Variants in UBR3 observed in about 807,000 individuals in gnomAD.
UBR3 encodes the protein ubiquitin protein ligase E3 component n-recognin 3.
A neutral mutation model predicts 243.2 loss-of-function variants in UBR3; 85 were observed. That is an observed-to-expected ratio of 0.35 (90% CI 0.29 to 0.42). The LOEUF (loss-of-function observed/expected upper bound fraction) is 0.42. Among genes scored for constraint, UBR3 ranks in the 10% least tolerant of loss-of-function variants. The pLI is 1.00. For missense variants in UBR3, 1,686 were observed against 2,300.8 expected (o/e 0.73, Z 5.47); for synonymous variants, 748 against 799.8 (o/e 0.94, Z 1.09).
intron 11 of UBR3, among the ~76,000 whole-genome samples, chr2:169,918,788 C>G (rs2085568253): frequency 6.6e-6 from 1 of 152,082 alleles, no homozygotes; most frequent in African/African-American, 2.4e-5. Flanking sequence ...CTAGAGTCCT[C>G]TGGTAAGAGG....
chr2:170,008,664 A>C (rs1559182168), intron 28 of UBR3, 140 bp from the exon 29 acceptor site: 3 of 481,416 alleles, frequency 6.2e-6, no homozygotes, highest in Non-Finnish European at 7.1e-6. Flanking sequence ...TACACTAAAT[A>C]TATTTATAAT....
Position 169,855,487 on chromosome 2 carries a change from G to A in UBR3, c.546-16749G>A, listed in dbSNP as rs966216277. Among the ~76,000 whole-genome samples, 6 of 152,196 alleles carry A rather than the reference G, an allele frequency of 3.9e-5. No homozygotes were observed. The South Asian group carries it at 8.3e-4, about 21-fold the overall frequency. On this transcript the variant is annotated intron_variant, in intron 1 of 38. Transcript: ENST00000272793. ...AAGGTCTCTGGTTTTCCTAGGCAGA[G>A]GGCCCTGCCGCCTTCCGCAGTGTTT...
At chr2:170,069,456 T>G (rs1449195770) in intron 35 of UBR3, among the ~76,000 whole-genome samples, 1 of 152,112 alleles carries the variant, frequency 6.6e-6, no homozygotes, top group Admixed American at 6.6e-5. Context: ...CTGATAACAT[T>G]TAAGACCTAC....
At chr2:169,906,371 G>A (rs2085009141) in intron 10 of UBR3, among the ~76,000 whole-genome samples, 1 of 152,056 alleles carries the variant, frequency 6.6e-6, no homozygotes, top group African/African-American at 2.4e-5. Context: ...TTGCTATTGT[G>A]AACAGTCTTC....
chr2:170,028,598 A>T (rs905499039), intron 30 of UBR3, among the ~76,000 whole-genome samples: 4 of 139,640 alleles, frequency 2.9e-5, no homozygotes, highest in African/African-American at 1.1e-4. Context: ...AATAATAATT[A>T]AATTATTATT....
At chr2:170,041,306 T>A (rs1296536552) in intron 32 of UBR3, among the ~76,000 whole-genome samples, 1 of 152,206 alleles carries the variant, frequency 6.6e-6, no homozygotes, top group African/African-American at 2.4e-5. Flanking sequence ...TGAAAAAGTG[T>A]TTTTTAAAAT....
At chr2:169,842,820 T>A (rs1212926065) in intron 1 of UBR3, among the ~76,000 whole-genome samples, 3 of 152,236 alleles carry the variant, frequency 2.0e-5, no homozygotes, top group African/African-American at 7.2e-5. Context: ...ATTCTTGAAG[T>A]CAGTGAGACC....
intron 30 of UBR3, among the ~76,000 whole-genome samples, chr2:170,025,144 TTA>T (rs2090494525): frequency 6.6e-6 from 1 of 152,154 alleles, no homozygotes; most frequent in Admixed American, 6.5e-5. Context: ...AAAAATCCTA[TTA>T]TATGTCAAGC....
intron 32 of UBR3, among the ~76,000 whole-genome samples, chr2:170,048,463 T>C (rs2091141540): frequency 6.6e-6 from 1 of 152,160 alleles, no homozygotes; most frequent in Non-Finnish European, 1.5e-5. Context: ...TCTCCTTTCA[T>C]AAATACTCAT....
intron 35 of UBR3, among the ~76,000 whole-genome samples, chr2:170,066,852 T>C (rs1202801477): frequency 6.6e-6 from 1 of 151,876 alleles, no homozygotes; most frequent in African/African-American, 2.4e-5. Context: ...TAGTCCCAGC[T>C]ACTTGGGAGG....
At chr2:170,007,844 G>A (rs928620062) in intron 28 of UBR3, among the ~76,000 whole-genome samples, 1 of 152,064 alleles carries the variant, frequency 6.6e-6, no homozygotes, top group Non-Finnish European at 1.5e-5. Flanking sequence ...AGTCTAGGCA[G>A]CAGAGCGAGA....
chr2:170,042,097 C>G (rs2090982644), intron 32 of UBR3, among the ~76,000 whole-genome samples: 1 of 152,188 alleles, frequency 6.6e-6, no homozygotes, highest in Non-Finnish European at 1.5e-5. Context: ...AAAGGAAACT[C>G]TGTGCCTATT....
chr2:170,006,733 G>A (rs146655659), intron 27 of UBR3, among the ~76,000 whole-genome samples: 1,677 of 152,252 alleles, frequency 0.011, 35 homozygotes, highest in Non-Finnish European at 0.012. Context: ...ACCATCACTT[G>A]AAAGTTTCAT....
chr2:169,941,685 A>AT (rs1180888453), intron 19 of UBR3, among the ~76,000 whole-genome samples: 1 of 152,222 alleles, frequency 6.6e-6, no homozygotes, highest in African/African-American at 2.4e-5. Context: ...TATCATAGGT[A>AT]TGTATGTGTA....
At position 169,949,879 on chromosome 2, in the gene UBR3, A is replaced by T. The variant is rs771247542; in HGVS notation, c.3359A>T (p.Gln1120Leu). The part of the protein sequence containing the change: ...PWLDDIEILI[Q>L]PEIPKYSHGD... The stretch of plus-strand genomic sequence containing the variant: ...CTTGATGACATAGAAATTTTAATCC[A>T]ACCAGAAATTCCTAAATACAGTCAT... The change falls in exon 23 of 39, where the codon CAA becomes CTA. Residue 1120 changes from glutamine to leucine, a missense_variant. Around this residue, in one of 8 missense-constraint regions of UBR3, gnomAD observed 300 missense variants for 314.4 expected, o/e 0.95. Coordinates refer to ENST00000272793, the MANE Select transcript of UBR3 (RefSeq NM_172070.4). The T allele has an allele frequency of 2.5e-6, 4 of 1,606,594 alleles. No individual in the cohort carries two copies. Among genetic ancestry groups the T allele is most frequent in the Non-Finnish European group, 3.4e-6 (4 of 1,175,802 alleles).
At chr2:170,037,249 G>A (rs1338714526) in intron 31 of UBR3, among the ~76,000 whole-genome samples, 17 of 152,048 alleles carry the variant, frequency 1.1e-4, no homozygotes, top group Admixed American at 1.1e-3. Flanking sequence ...TATTGTTTAG[G>A]TGATTTATTA....
intron 25 of UBR3, among the ~76,000 whole-genome samples, chr2:169,987,018 C>G (rs1483599081): frequency 6.6e-6 from 1 of 152,120 alleles, no homozygotes; most frequent in African/African-American, 2.4e-5. Context: ...TATGGTTTCA[C>G]AATTTTTTTC....
At chr2:170,010,479 A>G (rs1206412352) in intron 29 of UBR3, among the ~76,000 whole-genome samples, 1 of 152,204 alleles carries the variant, frequency 6.6e-6, no homozygotes, top group Non-Finnish European at 1.5e-5. Context: ...TTCCTGTAGT[A>G]TGATAAATCA....
chr2:169,830,221 G>A (rs73022436), intron 1 of UBR3, among the ~76,000 whole-genome samples: 6,601 of 152,000 alleles, frequency 0.043, 163 homozygotes, highest in Middle Eastern at 0.068. Flanking sequence ...TAAAAACGTG[G>A]TGTATCTGTC....
Sources: gnomAD v4.1 joint callset for allele counts (sites outside exome capture counted in the v4.1 genomes callset) on GRCh38, gnomAD v4.1.1 for gene constraint, gnomAD v4.1.1 regional missense constraint, MANE v1.5 for transcripts, NCBI Gene and HGNC (gene_info 2026-07-23, HGNC 2026-07-21) for gene names.